Variants in RANBP2 observed in about 807,000 individuals in gnomAD.
The protein encoded by RANBP2 is RAN binding protein 2, also known as E3 SUMO-protein ligase RanBP2.
Under a neutral mutation model 303.6 loss-of-function variants are expected in RANBP2, and 57 were observed. The observed-to-expected ratio is 0.19, with a 90% confidence interval of 0.15 to 0.23. The LOEUF (loss-of-function observed/expected upper bound fraction) is 0.23, where lower values mean the gene tolerates loss of function less well. Among genes scored for constraint, RANBP2 ranks in the 10% least tolerant of loss-of-function variants. The pLI, the probability that RANBP2 is intolerant of heterozygous loss-of-function variation, is 1.00. For synonymous variants in RANBP2, 1,167 were observed against 1,301.5 expected (o/e 0.90, Z 2.23); for missense variants, 3,138 against 3,780.8 (o/e 0.83, Z 4.46).
chr2:109,591,715 G>A, the RANBP2 span, among the ~76,000 whole-genome samples: 1 of 151,892 alleles, frequency 6.6e-6, no homozygotes, highest in African/African-American at 2.4e-5. Flanking sequence ...TGGCCAACAC[G>A]AGCAAAACCC....
the RANBP2 span, among the ~76,000 whole-genome samples, chr2:109,065,883 T>G: frequency 6.6e-6 from 1 of 152,038 alleles, no homozygotes; most frequent in Non-Finnish European, 1.5e-5. Context: ...GTAGGCCCTT[T>G]CCATCCTAAG....
chr2:108,767,946 A>G lies in RANBP2; in HGVS notation c.7407A>G (p.Val2469=). 8 of 1,611,914 alleles carry G rather than the reference A, an allele frequency of 5.0e-6. No individual in the cohort carries two copies. The highest frequency in any genetic ancestry group is 1.3e-5 in the African/African-American group (1 of 74,944). Residue 2469 remains valine, a synonymous_variant, in exon 20 of 29, where the codon GTA becomes GTG. Transcript: ENST00000283195. ...PRESPCGKIA[V]AVLEETTRER... Reference sequence around the variant, plus strand: ...AGTCACCATGTGGCAAAATTGCTGTAGCTGTATTAGAAGAAACCACAAGAG... The same window carrying G: ...AGTCACCATGTGGCAAAATTGCTGTGGCTGTATTAGAAGAAACCACAAGAG...
the RANBP2 span, chr2:109,613,993 T>C: frequency 1.8e-6 from 2 of 1,100,446 alleles, no homozygotes; most frequent in African/African-American, 1.6e-5. Flanking sequence ...GCTGGAGGCC[T>C]CCGGGGGCGG....
chr2:109,710,311 G>A, the RANBP2 span, among the ~76,000 whole-genome samples: 1 of 151,870 alleles, frequency 6.6e-6, no homozygotes, highest in Non-Finnish European at 1.5e-5. Flanking sequence ...CAACCCAGGA[G>A]GCGGAGGTTG....
At chr2:109,218,262 A>G in the RANBP2 span, among the ~76,000 whole-genome samples, 1 of 152,076 alleles carries the variant, frequency 6.6e-6, no homozygotes, top group African/African-American at 2.4e-5. Context: ...ACATTTCAGT[A>G]TTTATTTGAA....
At chr2:109,614,391 C>A in the RANBP2 span, 1 of 953,670 alleles carries the variant, frequency 1.0e-6, no homozygotes, top group Non-Finnish European at 1.3e-6. Context: ...GCCCGCTGAG[C>A]CCGCCAGACT....
At chr2:109,678,281 G>T in the RANBP2 span, among the ~76,000 whole-genome samples, 1 of 152,228 alleles carries the variant, frequency 6.6e-6, no homozygotes, top group African/African-American at 2.4e-5. Context: ...TCACACCCAA[G>T]AACTACTTTG....
At chr2:109,498,573 G>A in the RANBP2 span, among the ~76,000 whole-genome samples, 10 of 152,212 alleles carry the variant, frequency 6.6e-5, no homozygotes, top group Admixed American at 5.9e-4. Context: ...CATGCACTCA[G>A]CTCGATTTTC....
At chr2:108,988,037 TGGCCTGG>T in the RANBP2 span, among the ~76,000 whole-genome samples, 1 of 152,346 alleles carries the variant, frequency 6.6e-6, no homozygotes, top group South Asian at 2.1e-4. Flanking sequence ...CACAGAGCAG[TGGCCTGG>T]GGACTGGGGA....
At chr2:108,817,417 C>T in the RANBP2 span, among the ~76,000 whole-genome samples, 1 of 152,062 alleles carries the variant, frequency 6.6e-6, no homozygotes, top group African/African-American at 2.4e-5. Flanking sequence ...CTCAGTCTCC[C>T]AAGTAGCTGA....
chr2:109,388,415 A>G, the RANBP2 span, among the ~76,000 whole-genome samples: 2 of 152,204 alleles, frequency 1.3e-5, no homozygotes, highest in African/African-American at 2.4e-5. Context: ...AACCAGCAGC[A>G]GGTACTCAGT....
At chr2:109,075,876 G>T in the RANBP2 span, among the ~76,000 whole-genome samples, 2 of 150,340 alleles carry the variant, frequency 1.3e-5, no homozygotes, top group East Asian at 1.9e-4. Flanking sequence ...TGGATTCAAA[G>T]AATTATTAAT....
chr2:108,889,545 TTTTTC>T, the RANBP2 span, among the ~76,000 whole-genome samples: 2 of 150,110 alleles, frequency 1.3e-5, no homozygotes, highest in African/African-American at 2.5e-5. Flanking sequence ...TAATAACCTT[TTTTTC>T]TTTTCTTTTT....
At chr2:109,052,031 A>G in the RANBP2 span, among the ~76,000 whole-genome samples, 1 of 152,200 alleles carries the variant, frequency 6.6e-6, no homozygotes, top group East Asian at 1.9e-4. Flanking sequence ...TACAGGCGTG[A>G]GCCACCACGC....
downstream of RANBP2, chr2:108,788,709 G>A: frequency 2.6e-6 from 3 of 1,164,168 alleles, no homozygotes; most frequent in Non-Finnish European, 1.2e-6. Flanking sequence ...GACAGAGCGA[G>A]ACTCCGTCTC....
chr2:109,309,381 C>T, the RANBP2 span, among the ~76,000 whole-genome samples: 1 of 147,464 alleles, frequency 6.8e-6, no homozygotes, highest in African/African-American at 2.6e-5. Flanking sequence ...CAACCGGTAC[C>T]AGCTGCTGCA....
At chr2:109,615,067 T>C in the RANBP2 span, 2 of 1,549,312 alleles carry the variant, frequency 1.3e-6, no homozygotes, top group South Asian at 1.2e-5. Flanking sequence ...AGCTCCCTTG[T>C]GGGGGCTACC....
chr2:109,717,429 A>T, the RANBP2 span, among the ~76,000 whole-genome samples: 1 of 152,040 alleles, frequency 6.6e-6, no homozygotes, highest in Non-Finnish European at 1.5e-5. Flanking sequence ...TAAAAATACA[A>T]AAATTTGCTG....
chr2:109,398,565 C>G, the RANBP2 span: 1 of 1,521,522 alleles, frequency 6.6e-7, no homozygotes, highest in Admixed American at 2.0e-5. Context: ...TTAATGCAGC[C>G]TCCCCTCTCC....
Sources: gnomAD v4.1 joint callset for allele counts (sites outside exome capture counted in the v4.1 genomes callset) on GRCh38, gnomAD v4.1.1 for gene constraint, MANE v1.5 for transcripts, NCBI Gene and HGNC (gene_info 2026-07-23, HGNC 2026-07-21) for gene names.